F7: variants seen among roughly 807,000 people sequenced by gnomAD.
The protein encoded by F7 is FVII coagulation protein.
A neutral mutation model predicts 47.5 loss-of-function variants in F7; 38 were observed. The ratio of observed to expected loss-of-function variants is 0.80; its 90% CI spans 0.62 to 1.05. The LOEUF (loss-of-function observed/expected upper bound fraction) is 1.05, where lower values mean the gene tolerates loss of function less well. Among genes scored for constraint, F7 ranks in the 50% least tolerant of loss-of-function variants. The pLI is 0.00. For synonymous variants in F7, 244 were observed against 258.5 expected (o/e 0.94, Z 0.54); for missense variants, 575 against 605.4 (o/e 0.95, Z 0.53).
intron 1 of F7, chr13:113,106,829 C>T: frequency 1.3e-6 from 2 of 1,587,884 alleles, no homozygotes; most frequent in South Asian, 2.3e-5. Flanking sequence ...TGACCCCGGC[C>T]ACCTTCCTGC....
intron 5 of F7, 147 bp from the exon 6 acceptor site, chr13:113,116,619 C>T (rs1211651050): frequency 1.4e-6 from 1 of 695,326 alleles, no homozygotes; most frequent in Non-Finnish European, 2.6e-6. Context: ...CTTCCACCAC[C>T]CCTGGGCCCT....
chr13:113,106,720 G>A, intron 1 of F7: 2 of 844,626 alleles, frequency 2.4e-6, no homozygotes, highest in Non-Finnish European at 3.8e-6. Flanking sequence ...TGGCTAGTGG[G>A]GCGTGGGGAT....
Position 113,118,788 on chromosome 13 carries a change from A to G in F7, c.1115A>G (p.Asp372Gly). ...TEYMFCAGYSDGSKDSCKGDS... is the reference protein window; with the variant it reads ...TEYMFCAGYSGGSKDSCKGDS... Reference sequence around the variant, plus strand: ...TACATGTTCTGTGCCGGCTACTCGGATGGCAGCAAGGACTCCTGCAAGGGG... The same window carrying G: ...TACATGTTCTGTGCCGGCTACTCGGGTGGCAGCAAGGACTCCTGCAAGGGG... The change falls in exon 8 of 8, where the codon GAT (aspartate) becomes GGT (glycine). Residue 372 changes from aspartate to glycine, a missense_variant. Transcript: ENST00000346342. 6.2e-7 allele frequency: 1 copy of G among 1,613,162 alleles called. No homozygotes were observed. The highest frequency in any genetic ancestry group is 2.2e-5 in the East Asian group (1 of 44,866).
rs2036247989 is a variant in F7, at chr13:113,118,835, A to G, written c.1162A>G (p.Thr388Ala). The change falls in exon 8 of 8, where the codon ACC becomes GCC. Residue 388 changes from threonine to alanine, a missense_variant. By Grantham distance (58) the Thr-to-Ala change is moderately conservative. Coordinates refer to ENST00000346342, the MANE Select transcript of F7 (RefSeq NM_019616.4). The stretch of plus-strand genomic sequence containing the variant: ...GGGGGACAGTGGAGGCCCACATGCC[A>G]CCCACTACCGGGGCACGTGGTACCT... ...CKGDSGGPHATHYRGTWYLTG... is the reference protein window; with the variant it reads ...CKGDSGGPHAAHYRGTWYLTG... 1 of 1,612,726 alleles carries G rather than the reference A, an allele frequency of 6.2e-7. No individual in the cohort carries two copies. Among genetic ancestry groups the G allele is most frequent in the African/African-American group, 1.3e-5 (1 of 74,986 alleles).
Position 113,117,556 on chromosome 13 carries a change from C to A in F7, c.699C>A (p.Phe233Leu). 6.2e-7 allele frequency: 1 copy of A among 1,614,110 alleles called. No individual in the cohort carries two copies. The highest frequency in any genetic ancestry group is 8.5e-7 in the Non-Finnish European group (1 of 1,180,014). The change falls in exon 7 of 8, where the codon TTC becomes TTA. Residue 233 changes from phenylalanine to leucine, a missense_variant. Coordinates refer to ENST00000346342, the MANE Select transcript of F7 (RefSeq NM_019616.4). ...TIWVVSAAHC[F>L]DKIKNWRNLI... ...GGGTGGTCTCCGCGGCCCACTGTTT[C>A]GACAAAATCAAGAACTGGAGGAACC...
chr13:113,110,913 G>T, intron 2 of F7, 63 bp downstream of exon 2: 2 of 1,520,770 alleles, frequency 1.3e-6, no homozygotes, highest in South Asian at 1.2e-5. Flanking sequence ...ACCAGGCCGC[G>T]TGGGGCCGCC....
chr13:113,112,963 G>C (rs1430355016), intron 2 of F7, among the ~76,000 whole-genome samples: 2 of 149,684 alleles, frequency 1.3e-5, no homozygotes, highest in Admixed American at 6.6e-5. Flanking sequence ...CTCACACTCA[G>C]GGCACACTTC....
intron 1 of F7, among the ~76,000 whole-genome samples, chr13:113,109,092 G>A (rs374904186): frequency 2.5e-4 from 21 of 84,756 alleles, no homozygotes; most frequent in South Asian, 5.1e-4. Flanking sequence ...TGGGTGTTCC[G>A]GAGGCGAGGG....
At position 113,110,817 on chromosome 13, in the gene F7, G is replaced by C. The variant is rs538847246; in HGVS notation, c.192G>C (p.Glu64Asp). 5 of 1,559,902 alleles carry C rather than the reference G, an allele frequency of 3.2e-6. No homozygotes were observed. The African/African-American group carries it at 6.8e-5, about 21-fold the overall frequency. The change falls in exon 2 of 8, where the codon GAG becomes GAC. Residue 64 changes from glutamate to aspartate, a missense_variant. By Grantham distance (45) the Glu-to-Asp change is conservative. Coordinates refer to ENST00000346342, the MANE Select transcript of F7 (RefSeq NM_019616.4). The stretch of plus-strand genomic sequence containing the variant: ...AGGAGGAGCAGTGCTCCTTCGAGGA[G>C]GCCCGGGAGATCTTCAAGGACGCGG... Reference protein sequence around the residue: ...ECKEEQCSFEEAREIFKDAER... With the variant: ...ECKEEQCSFEDAREIFKDAER...
intron 1 of F7, among the ~76,000 whole-genome samples, chr13:113,109,767 G>C (rs957588483): frequency 6.6e-6 from 1 of 152,152 alleles, no homozygotes; most frequent in Admixed American, 6.5e-5. Flanking sequence ...AGGCAGGTTC[G>C]GGCAGCACGG....
intron 1 of F7, 78 bp downstream of exon 1, chr13:113,105,983 A>C: frequency 7.5e-7 from 1 of 1,337,148 alleles, no homozygotes; most frequent in Non-Finnish European, 1.0e-6. Context: ...GGGCTTCCCA[A>C]ACCCCGCCCT....
In F7 at chr13:113,117,608, T is replaced by G. The variant is rs780794685; in HGVS notation, c.739+12T>G. The G allele has an allele frequency of 1.9e-6, 3 of 1,601,830 alleles. No homozygotes were observed. The highest frequency in any genetic ancestry group is 2.6e-6 in the Non-Finnish European group (3 of 1,170,700). On this transcript the variant is annotated intron_variant, in intron 7 of 7. Coordinates refer to ENST00000346342, the MANE Select transcript of F7 (RefSeq NM_019616.4). ...GATCGCGGTGCTGGGTGGGTACCACTCTCCCCTGTCCGACCGCGGTGCTGG... is the reference window on the plus strand; with the variant it reads ...GATCGCGGTGCTGGGTGGGTACCACGCTCCCCTGTCCGACCGCGGTGCTGG...
At chr13:113,112,809 C>T (rs867978959) in intron 2 of F7, among the ~76,000 whole-genome samples, 12 of 149,316 alleles carry the variant, frequency 8.0e-5, no homozygotes, top group African/African-American at 2.7e-4. Context: ...TCACAGGTCA[C>T]CTTACTCTCA....
At chr13:113,116,706 C>T in intron 5 of F7, 60 bp from the exon 6 acceptor site, 1 of 1,318,842 alleles carries the variant, frequency 7.6e-7, no homozygotes, top group Non-Finnish European at 1.1e-6. Context: ...CTGAATCTTT[C>T]CTAGTGGCAC....
chr13:113,105,825 A>C lies in F7; in HGVS notation c.-17A>C. The C allele has an allele frequency of 6.3e-7, 1 of 1,579,322 alleles. No individual in the cohort carries two copies. The highest frequency in any genetic ancestry group is 8.6e-7 in the Non-Finnish European group (1 of 1,162,718). Reference sequence around the variant, plus strand: ...GGGAATGTCAACAGGCAGGGGCAGCACTGCAGAGATTTCATCATGGTCTCC... The same window carrying C: ...GGGAATGTCAACAGGCAGGGGCAGCCCTGCAGAGATTTCATCATGGTCTCC... On this transcript the variant is annotated 5_prime_UTR_variant, in exon 1 of 8. Coordinates refer to ENST00000346342, the MANE Select transcript of F7 (RefSeq NM_019616.4).
At chr13:113,115,202 A>G (rs1419669279) in intron 4 of F7, among the ~76,000 whole-genome samples, 2 of 152,154 alleles carry the variant, frequency 1.3e-5, no homozygotes, top group African/African-American at 4.8e-5. Context: ...TGCTGGGACT[A>G]ACTGTCCCCA....
chr13:113,116,574 C>T (rs750395594), intron 5 of F7, among the ~76,000 whole-genome samples, 192 bp from the exon 6 acceptor site: 1 of 152,246 alleles, frequency 6.6e-6, no homozygotes, highest in Non-Finnish European at 1.5e-5. Flanking sequence ...CTCTCATGGC[C>T]GGGCCCCACC....
At chr13:113,117,304 T>C (rs1198194995) in intron 6 of F7, among the ~76,000 whole-genome samples, 169 bp from the exon 7 acceptor site, 1 of 152,216 alleles carries the variant, frequency 6.6e-6, no homozygotes, top group Admixed American at 6.5e-5. Context: ...GGGCACAGCC[T>C]CCCAGAGCCA....
Position 113,119,573 on chromosome 13 carries a change from GCA to G in F7, c.*572_*573del, listed in dbSNP as rs1243903673. The G allele has an allele frequency of 5.8e-6, 1 of 173,016 alleles. No individual in the cohort carries two copies. Among genetic ancestry groups the G allele is most frequent in the South Asian group, 1.5e-4 (1 of 6,800 alleles). The allele number at this position is 173,016 out of a possible 1,614,324, so 10.7% of individuals were successfully genotyped here. ...CCGATGCACACGCACATAGAGATATGCACACACAGATGCACACACAGATATAC... is the reference window on the plus strand; with the variant it reads ...CCGATGCACACGCACATAGAGATATGCACACAGATGCACACACAGATATAC... On this transcript the variant is annotated 3_prime_UTR_variant, in exon 8 of 8. Coordinates refer to ENST00000346342, the MANE Select transcript of F7 (RefSeq NM_019616.4).
Sources: allele counts gnomAD v4.1 joint callset (sites outside exome capture counted in the v4.1 genomes callset), GRCh38; gene constraint gnomAD v4.1.1; transcripts MANE v1.5; gene names NCBI Gene and HGNC (gene_info 2026-07-23, HGNC 2026-07-21).